Variants in GLIS3 observed in about 807,000 individuals in gnomAD.
GLIS3 encodes zinc finger protein GLIS3.
In GLIS3, 53 loss-of-function variants were observed where a neutral mutation model predicts 78.6. That is an observed-to-expected ratio of 0.67 (90% CI 0.54 to 0.85). GLIS3 has a LOEUF of 0.85. GLIS3 is among the 40% of genes least tolerant of loss of function. The probability of loss-of-function intolerance (pLI) is 0.00; values close to 1 mark genes in which losing one functional copy is unlikely to be tolerated. For missense variants in GLIS3, 1,703 were observed against 1,231.1 expected, an observed-to-expected ratio of 1.38 and a Z score of -5.74; for synonymous variants, 684 against 509.9, an observed-to-expected ratio of 1.34 and a Z score of -4.60.
chr9:4,068,594 A>G (rs1588592807), intron 4 of GLIS3, among the ~76,000 whole-genome samples: 1 of 152,190 alleles, frequency 6.6e-6, no homozygotes, highest in Non-Finnish European at 1.5e-5. Context: ...CCAAAAATAA[A>G]TATTAGAGAA....
At chr9:4,354,784 A>C in the GLIS3 span, among the ~76,000 whole-genome samples, 1 of 152,164 alleles carries the variant, frequency 6.6e-6, no homozygotes, top group African/African-American at 2.4e-5. Flanking sequence ...CCACCCTCAA[A>C]GAGTCATTCC....
At chr9:4,374,863 T>C in the GLIS3 span, among the ~76,000 whole-genome samples, 1 of 152,260 alleles carries the variant, frequency 6.6e-6, no homozygotes, top group East Asian at 1.9e-4. Context: ...TGCACACAAT[T>C]GAATATACTA....
At chr9:4,268,138 A>G (rs1232529617) in intron 2 of GLIS3, among the ~76,000 whole-genome samples, 2 of 152,168 alleles carry the variant, frequency 1.3e-5, no homozygotes, top group African/African-American at 4.8e-5. Flanking sequence ...GGCTGGTTCA[A>G]ATCCTGACTC....
intron 4 of GLIS3, among the ~76,000 whole-genome samples, chr9:4,116,267 C>G (rs1439697768): frequency 6.6e-6 from 1 of 152,218 alleles, no homozygotes; most frequent in Non-Finnish European, 1.5e-5. Context: ...GAATGTCTTT[C>G]CTGCCTGCAA....
Position 3,829,357 on chromosome 9 carries a change from C to G in GLIS3, c.2609G>C (p.Ser870Thr). Residue 870 changes from serine to threonine, a missense_variant, in exon 10 of 11, where the codon AGT becomes ACT. Coordinates refer to ENST00000381971, the MANE Select transcript of GLIS3 (RefSeq NM_001042413.2). ...CLVPTSMGQASFDVFHRAFST... is the reference protein window; with the variant it reads ...CLVPTSMGQATFDVFHRAFST... ...GAAGGCTCTGTGGAAAACATCAAAA[C>G]TGGCCTGGCCCATGGATGTAGGGAC... The G allele has an allele frequency of 1.2e-6, 2 of 1,614,112 alleles. No individual in the cohort carries two copies. Among genetic ancestry groups the G allele is most frequent in the East Asian group, 4.5e-5 (2 of 44,864 alleles).
At chr9:4,469,116 GA>G in the GLIS3 span, among the ~76,000 whole-genome samples, 1 of 152,134 alleles carries the variant, frequency 6.6e-6, no homozygotes, top group African/African-American at 2.4e-5. Flanking sequence ...CCCAATATGG[GA>G]GCACCCAGAT....
At chr9:4,389,515 G>A in the GLIS3 span, among the ~76,000 whole-genome samples, 4 of 152,172 alleles carry the variant, frequency 2.6e-5, no homozygotes, top group African/African-American at 7.2e-5. Flanking sequence ...ATATGGTCCT[G>A]TAGAGTCTGC....
the GLIS3 span, among the ~76,000 whole-genome samples, chr9:4,468,588 G>C: frequency 6.6e-5 from 10 of 151,996 alleles, no homozygotes; most frequent in African/African-American, 2.4e-4. Context: ...CAAATGCTGA[G>C]AGATTCTGTC....
At chr9:4,224,987 T>C (rs1821646597) in intron 2 of GLIS3, among the ~76,000 whole-genome samples, 1 of 151,920 alleles carries the variant, frequency 6.6e-6, no homozygotes, top group Non-Finnish European at 1.5e-5. Flanking sequence ...TAATATACTA[T>C]TTATATAGAT....
the GLIS3 span, among the ~76,000 whole-genome samples, chr9:4,457,682 C>T: frequency 6.6e-6 from 1 of 151,730 alleles, no homozygotes; most frequent in African/African-American, 2.4e-5. Context: ...CCCATCTCTA[C>T]TAAAAATACA....
intron 6 of GLIS3, among the ~76,000 whole-genome samples, chr9:3,910,968 C>A (rs1007775404): frequency 8.5e-5 from 13 of 152,304 alleles, no homozygotes; most frequent in African/African-American, 2.9e-4. Context: ...CAAATATTAA[C>A]AGAGTTAACC....
chr9:4,140,299 G>C (rs1238484368), intron 2 of GLIS3, among the ~76,000 whole-genome samples: 2 of 152,128 alleles, frequency 1.3e-5, no homozygotes, highest in Non-Finnish European at 1.5e-5. Context: ...ACTCCAGCCT[G>C]GGTGACAAAG....
At chr9:4,138,220 G>C (rs767021010) in intron 2 of GLIS3, among the ~76,000 whole-genome samples, 14 of 152,186 alleles carry the variant, frequency 9.2e-5, no homozygotes, top group Non-Finnish European at 1.9e-4. Flanking sequence ...ACAAATATAA[G>C]AAAGAATGAA....
chr9:4,157,296 A>G (rs1835111976), intron 2 of GLIS3, among the ~76,000 whole-genome samples: 1 of 152,118 alleles, frequency 6.6e-6, no homozygotes, highest in African/African-American at 2.4e-5. Flanking sequence ...CTGCCTCCCA[A>G]ATTGGTGTGA....
chr9:3,931,240 A>T (rs958894020), intron 6 of GLIS3, among the ~76,000 whole-genome samples: 1 of 152,158 alleles, frequency 6.6e-6, no homozygotes, highest in African/African-American at 2.4e-5. Flanking sequence ...AATTCCTTCC[A>T]TATACACACC....
intron 1 of GLIS3, among the ~76,000 whole-genome samples, chr9:4,289,050 C>A (rs7034200): frequency 0.53 from 81,170 of 151,928 alleles, 22,022 homozygotes; most frequent in African/African-American, 0.63. Flanking sequence ...TCCTAAGTCT[C>A]CTTGGTAACA....
intron 1 of GLIS3, among the ~76,000 whole-genome samples, chr9:4,289,618 C>G (rs1828280359): frequency 6.6e-6 from 1 of 152,034 alleles, no homozygotes; most frequent in South Asian, 2.1e-4. Flanking sequence ...AGCATTTTCT[C>G]CTCTGTTCTC....
At chr9:4,300,325 T>G (rs1044807346), upstream of GLIS3, among the ~76,000 whole-genome samples, 5 of 59,490 alleles carry the variant, frequency 8.4e-5, no homozygotes, top group African/African-American at 1.3e-4. Context: ...CTGGCCTTAT[T>G]TGTTAAACTG....
the GLIS3 span, among the ~76,000 whole-genome samples, chr9:4,421,258 G>T: frequency 8.5e-5 from 13 of 152,258 alleles, no homozygotes; most frequent in South Asian, 2.7e-3. Context: ...GGACTCTCTC[G>T]TCCCACAGGA....
Sources: gnomAD v4.1 joint callset for allele counts (sites outside exome capture counted in the v4.1 genomes callset) on GRCh38, gnomAD v4.1.1 for gene constraint, MANE v1.5 for transcripts, NCBI Gene and HGNC (gene_info 2026-07-23, HGNC 2026-07-21) for gene names.